Variants in SORBS2 observed in about 807,000 individuals in gnomAD.
The protein encoded by SORBS2 is sorbin and SH3 domain containing 2.
A neutral mutation model predicts 97.7 loss-of-function variants in SORBS2; 46 were observed. The ratio of observed to expected loss-of-function variants is 0.47; its 90% CI spans 0.37 to 0.60. The LOEUF is 0.60. SORBS2 is among the 20% of genes least tolerant of loss of function. The pLI is 0.00. For missense variants in SORBS2, 1,316 were observed against 1,282.3 expected (o/e 1.03, Z -0.40); for synonymous variants, 476 against 473.4 (o/e 1.01, Z -0.07).
intron 1 of SORBS2, among the ~76,000 whole-genome samples, chr4:185,899,183 A>G (rs1369093173): frequency 6.6e-6 from 1 of 152,126 alleles, no homozygotes; most frequent in Non-Finnish European, 1.5e-5. Flanking sequence ...TTCACAGGCA[A>G]TGGCTGGAGG....
chr4:185,605,108 T>G (rs1259831202), intron 12 of SORBS2, among the ~76,000 whole-genome samples: 1 of 152,186 alleles, frequency 6.6e-6, no homozygotes, highest in East Asian at 1.9e-4. Context: ...TTAAATAAGG[T>G]GTTTGTTTTA....
At chr4:185,917,674 C>A (rs557853034) in intron 1 of SORBS2, among the ~76,000 whole-genome samples, 1 of 152,096 alleles carries the variant, frequency 6.6e-6, no homozygotes, top group Non-Finnish European at 1.5e-5. Context: ...CTGGGGTTTG[C>A]GACTGGTATC....
intron 1 of SORBS2, among the ~76,000 whole-genome samples, chr4:185,844,753 C>A (rs2099213566): frequency 6.6e-6 from 1 of 152,166 alleles, no homozygotes; most frequent in African/African-American, 2.4e-5. Context: ...CATATTCATA[C>A]ATTGAAATAT....
At position 185,776,462 on chromosome 4, in the gene SORBS2, T is replaced by C. The variant is rs1227817844; in HGVS notation, c.-337-1096A>G. ...ACTTTCTACCAAGGAAGCAGTTAAG[T>C]ATGTTTATGAACGCTTTCATTCCAA... On this transcript the variant is annotated intron_variant, in intron 1 of 20. Coordinates refer to the SORBS2 transcript ENST00000284776. 2.0e-5 allele frequency among the ~76,000 whole-genome samples: 3 copies of C among 152,104 alleles called. No homozygotes were observed. The East Asian group carries it at 5.8e-4, about 29-fold the overall frequency.
intron 2 of SORBS2, among the ~76,000 whole-genome samples, chr4:185,727,680 C>A (rs2098567863): frequency 6.6e-6 from 1 of 152,150 alleles, no homozygotes; most frequent in South Asian, 2.1e-4. Flanking sequence ...CATTTTGTAA[C>A]AAAAAGCATG....
At chr4:185,854,048 G>A (rs2099219397) in intron 1 of SORBS2, among the ~76,000 whole-genome samples, 1 of 152,186 alleles carries the variant, frequency 6.6e-6, no homozygotes, top group South Asian at 2.1e-4. Flanking sequence ...CTATACTAAA[G>A]AGTGTGACAA....
At chr4:185,832,790 T>C (rs956109607) in intron 1 of SORBS2, among the ~76,000 whole-genome samples, 5 of 152,200 alleles carry the variant, frequency 3.3e-5, no homozygotes, top group Non-Finnish European at 5.9e-5. Context: ...GAAAAAAGTG[T>C]ATATGTATCT....
chr4:185,743,834 T>TTCC (rs764176303), intron 2 of SORBS2, among the ~76,000 whole-genome samples: 1 of 150,812 alleles, frequency 6.6e-6, no homozygotes, highest in Non-Finnish European at 1.5e-5. Context: ...TCTATCTTCT[T>TTCC]TCCTCCTCCT....
intron 2 of SORBS2, chr4:185,771,038 T>C (rs527325253): frequency 1.4e-5 from 2 of 138,420 alleles, no homozygotes; most frequent in Non-Finnish European, 3.1e-5. Context: ...TGGAGTGCAA[T>C]GGTGGGATCT....
chr4:185,788,431 C>G (rs1475144877), intron 1 of SORBS2, among the ~76,000 whole-genome samples: 1 of 152,160 alleles, frequency 6.6e-6, no homozygotes, highest in East Asian at 1.9e-4. Flanking sequence ...GAGTCATAGC[C>G]AGACACTCAA....
At chr4:185,664,922 G>C (rs983502947) in intron 4 of SORBS2, among the ~76,000 whole-genome samples, 2 of 151,888 alleles carry the variant, frequency 1.3e-5, no homozygotes, top group African/African-American at 4.8e-5. Flanking sequence ...TTAAATGGAA[G>C]CCATTACTTA....
At chr4:185,769,061 G>A (rs909742204) in intron 2 of SORBS2, among the ~76,000 whole-genome samples, 1 of 151,636 alleles carries the variant, frequency 6.6e-6, no homozygotes, top group Non-Finnish European at 1.5e-5. Flanking sequence ...AAAATGATGC[G>A]GGAGCATCTT....
In SORBS2 at chr4:185,606,429, T is replaced by G. The variant is rs2096420200; in HGVS notation, c.2796+5351A>C. The G allele has an allele frequency of 1.0e-6, 1 of 973,020 alleles. No individual in the cohort carries two copies. 60.3% of individuals were successfully genotyped at this position (973,020 alleles called of 1,614,324 possible). On this transcript the variant is annotated intron_variant, in intron 12 of 14. Coordinates refer to ENST00000418609, the Ensembl canonical transcript of SORBS2. This position sits in a 1 kb window ranked among gnomAD's most constrained non-coding sequence, Gnocchi z 4.3. ...TCATTTAATTAAATATGGTGTGTTT[T>G]CATATACCCACTCCACCCCCATCTT...
intron 1 of SORBS2, among the ~76,000 whole-genome samples, chr4:185,784,692 T>C (rs1439485942): frequency 3.3e-5 from 5 of 152,168 alleles, no homozygotes; most frequent in African/African-American, 1.2e-4. Context: ...TTCCTTACAT[T>C]AGACCGGCTG....
chr4:185,688,835 A>G (rs978174308), intron 2 of SORBS2, among the ~76,000 whole-genome samples: 8 of 151,636 alleles, frequency 5.3e-5, no homozygotes, highest in Non-Finnish European at 1.0e-4. Context: ...AAAAGTTTTC[A>G]GTCACTTTTG....
chr4:185,945,016 G>C (rs2099273883), intron 1 of SORBS2, among the ~76,000 whole-genome samples: 1 of 152,174 alleles, frequency 6.6e-6, no homozygotes, highest in South Asian at 2.1e-4. Flanking sequence ...AATCATGAGT[G>C]CTCTAGGAAC....
intron 1 of SORBS2, among the ~76,000 whole-genome samples, chr4:185,885,694 A>G (rs2099239046): frequency 6.6e-6 from 1 of 152,264 alleles, no homozygotes; most frequent in Non-Finnish European, 1.5e-5. Flanking sequence ...CAATGCATAA[A>G]TGAACCTGAA....
intron 4 of SORBS2, among the ~76,000 whole-genome samples, chr4:185,642,351 A>ATT (rs542146591): frequency 6.7e-6 from 1 of 148,986 alleles, no homozygotes; most frequent in Non-Finnish European, 1.5e-5. Context: ...ATTTTCATAT[A>ATT]TTTTTTTTTT....
chr4:185,615,692 T>C (rs1468881720), intron 9 of SORBS2, among the ~76,000 whole-genome samples: 1 of 152,208 alleles, frequency 6.6e-6, no homozygotes, highest in East Asian at 1.9e-4. Context: ...GGTATTTTAA[T>C]AGAATATCTT....
Sources: allele counts gnomAD v4.1 joint callset (sites outside exome capture counted in the v4.1 genomes callset), GRCh38; gene constraint gnomAD v4.1.1; non-coding constraint Gnocchi (gnomAD v3.1); transcripts MANE v1.5; gene names NCBI Gene and HGNC (gene_info 2026-07-23, HGNC 2026-07-21).